The following ST3GAL3 variants were observed in gnomAD, a reference collection of about 807,000 sequenced individuals.
The protein encoded by ST3GAL3 is ST3 beta-galactoside alpha-2,3-sialyltransferase 3.
A neutral mutation model predicts 50.1 loss-of-function variants in ST3GAL3; 21 were observed. That is an observed-to-expected ratio of 0.42 (90% CI 0.30 to 0.60). The LOEUF is 0.60. ST3GAL3 is among the 20% of genes least tolerant of loss of function. The pLI is 0.19. For missense variants in ST3GAL3, 353 were observed against 489.4 expected (o/e 0.72, Z 2.63); for synonymous variants, 183 against 190.0 (o/e 0.96, Z 0.30).
chr1:43,874,028 T>C (rs576764082), intron 5 of ST3GAL3, among the ~76,000 whole-genome samples: 1 of 152,128 alleles, frequency 6.6e-6, no homozygotes, highest in Admixed American at 6.5e-5. Flanking sequence ...ATTGCAACAT[T>C]AGGAAATCCA....
intron 2 of ST3GAL3, among the ~76,000 whole-genome samples, chr1:43,759,352 G>C (rs1325022094): frequency 6.6e-6 from 1 of 152,176 alleles, no homozygotes; most frequent in African/African-American, 2.4e-5. Flanking sequence ...GCTAAGGTGG[G>C]AGAATCGCTT....
At chr1:43,746,955 G>A (rs895659656) in intron 2 of ST3GAL3, among the ~76,000 whole-genome samples, 2 of 150,832 alleles carry the variant, frequency 1.3e-5, no homozygotes, top group Middle Eastern at 3.2e-3. Context: ...TAGTAGAGAC[G>A]GGGTTTCACC....
chr1:43,790,229 A>AG (rs113642673), intron 2 of ST3GAL3, among the ~76,000 whole-genome samples: 41 of 152,306 alleles, frequency 2.7e-4, no homozygotes, highest in African/African-American at 9.9e-4. Flanking sequence ...CAGTGAATAA[A>AG]GCAGATTTGG....
chr1:43,821,519 CA>C (rs906938023), intron 4 of ST3GAL3, among the ~76,000 whole-genome samples: 4 of 152,126 alleles, frequency 2.6e-5, no homozygotes, highest in East Asian at 1.9e-4. Flanking sequence ...TGGACCGTGC[CA>C]GGGGAGAAGT....
At chr1:43,760,092 T>C (rs1689707590) in intron 2 of ST3GAL3, among the ~76,000 whole-genome samples, 1 of 152,184 alleles carries the variant, frequency 6.6e-6, no homozygotes, top group Non-Finnish European at 1.5e-5. Flanking sequence ...CTTTTGGGGG[T>C]ACCATTTTTA....
chr1:43,781,620 A>G (rs1413433770), intron 2 of ST3GAL3, among the ~76,000 whole-genome samples: 1 of 152,078 alleles, frequency 6.6e-6, no homozygotes, highest in Non-Finnish European at 1.5e-5. Flanking sequence ...AAAAAAAAAA[A>G]AAGATTTTTA....
At chr1:43,775,722 G>A (rs1049674224) in intron 2 of ST3GAL3, among the ~76,000 whole-genome samples, 3 of 151,880 alleles carry the variant, frequency 2.0e-5, no homozygotes, top group Admixed American at 2.0e-4. Context: ...CCTTTTTCTT[G>A]TGCATACCCT....
intron 2 of ST3GAL3, among the ~76,000 whole-genome samples, chr1:43,775,493 A>G (rs1218285064): frequency 6.6e-6 from 1 of 152,162 alleles, no homozygotes; most frequent in Admixed American, 6.5e-5. Flanking sequence ...TCAGCCTCCC[A>G]AAGTGCTGGG....
intron 5 of ST3GAL3, among the ~76,000 whole-genome samples, chr1:43,851,982 C>G (rs927912473): frequency 6.6e-6 from 1 of 152,202 alleles, no homozygotes; most frequent in Non-Finnish European, 1.5e-5. Context: ...TAAAAAAAAT[C>G]CCCAAATGCT....
At chr1:43,905,278 CT>C (rs1475158145) in intron 9 of ST3GAL3, among the ~76,000 whole-genome samples, 4 of 137,248 alleles carry the variant, frequency 2.9e-5, no homozygotes, top group African/African-American at 1.1e-4. Flanking sequence ...CACTCTTCCT[CT>C]CCTGCCTCCT....
intron 5 of ST3GAL3, among the ~76,000 whole-genome samples, chr1:43,875,980 ATTT>A (rs2074041767): frequency 1.4e-5 from 2 of 138,778 alleles, no homozygotes; most frequent in Admixed American, 1.5e-4. Context: ...TATTATTATT[ATTT>A]TTGAGACAGG....
At chr1:43,890,006 C>T (rs1399275235) in intron 5 of ST3GAL3, among the ~76,000 whole-genome samples, 4 of 152,114 alleles carry the variant, frequency 2.6e-5, no homozygotes, top group Non-Finnish European at 4.4e-5. Flanking sequence ...GTCCTAGCTA[C>T]GCAGGAGGCT....
chr1:43,826,115 A>G (rs1458316902), intron 4 of ST3GAL3, among the ~76,000 whole-genome samples: 1 of 151,856 alleles, frequency 6.6e-6, no homozygotes, highest in Non-Finnish European at 1.5e-5. Context: ...AAAAAAAAAC[A>G]AAATTAGCCG....
chr1:43,886,036 A>G (rs1272825231), intron 5 of ST3GAL3, among the ~76,000 whole-genome samples: 1 of 152,252 alleles, frequency 6.6e-6, no homozygotes, highest in Non-Finnish European at 1.5e-5. Context: ...ACAGTAATAT[A>G]TAGTTTCAAA....
intron 9 of ST3GAL3, among the ~76,000 whole-genome samples, chr1:43,914,872 C>G (rs145715971): frequency 1.2e-3 from 190 of 152,378 alleles, no homozygotes; most frequent in African/African-American, 4.4e-3. Context: ...CAGTCCACAT[C>G]TGGCCCACCC....
In ST3GAL3 at chr1:43,781,280, C is replaced by T. The variant is rs59580071; in HGVS notation, c.119-10822C>T. Reference sequence around the variant, plus strand: ...TTCCTATGCCAGATCTAGCCCACAGCTTGTTTTTGTGTGACCTGACTTAAA... The same window carrying T: ...TTCCTATGCCAGATCTAGCCCACAGTTTGTTTTTGTGTGACCTGACTTAAA... On this transcript the variant is annotated intron_variant, in intron 2 of 11. Transcript: ENST00000347631. Among the ~76,000 whole-genome samples the T allele has an allele frequency of 9.5e-3, 1,452 of 152,232 alleles. 20 individuals are homozygous for T. Among genetic ancestry groups the T allele is most frequent in the African/African-American group, 0.033 (1,390 of 41,528 alleles).
intron 2 of ST3GAL3, among the ~76,000 whole-genome samples, chr1:43,781,905 G>C (rs1699493719): frequency 6.6e-6 from 1 of 152,152 alleles, no homozygotes; most frequent in South Asian, 2.1e-4. Flanking sequence ...CGGTTTGCCA[G>C]TTACCCATAA....
At chr1:43,857,521 T>C (rs2068688864) in intron 5 of ST3GAL3, among the ~76,000 whole-genome samples, 1 of 142,556 alleles carries the variant, frequency 7.0e-6, no homozygotes, top group Non-Finnish European at 1.5e-5. Context: ...CTTCCTTCCT[T>C]CCCTCCTCCT....
intron 3 of ST3GAL3, among the ~76,000 whole-genome samples, chr1:43,800,938 T>G (rs551374086): frequency 1.3e-5 from 2 of 152,326 alleles, no homozygotes; most frequent in South Asian, 4.1e-4. Flanking sequence ...AGAGCTGTTT[T>G]GGCTAGGGTA....
Sources: gnomAD v4.1 joint callset for allele counts (sites outside exome capture counted in the v4.1 genomes callset) on GRCh38, gnomAD v4.1.1 for gene constraint, MANE v1.5 for transcripts, NCBI Gene and HGNC (gene_info 2026-07-23, HGNC 2026-07-21) for gene names.